The following SNCAIP variants were observed in gnomAD, a reference collection of about 807,000 sequenced individuals.
SNCAIP encodes synuclein alpha interacting protein, also known as synphilin-1.
Under a neutral mutation model 86.7 loss-of-function variants are expected in SNCAIP, and 43 were observed. The ratio of observed to expected loss-of-function variants is 0.50; its 90% CI spans 0.39 to 0.64. The LOEUF (loss-of-function observed/expected upper bound fraction) is 0.64. SNCAIP is among the 30% of genes least tolerant of loss of function. The pLI is 0.00. For missense variants in SNCAIP, 981 were observed against 1,103.1 expected (o/e 0.89, Z 1.57); for synonymous variants, 417 against 427.2 (o/e 0.98, Z 0.29).
chr5:122,409,082 T>G (rs1335983678), intron 3 of SNCAIP, among the ~76,000 whole-genome samples: 1 of 150,584 alleles, frequency 6.6e-6, no homozygotes, highest in African/African-American at 2.5e-5. Flanking sequence ...AAGGAAGTTA[T>G]GTGTAAAAAA....
rs545224879 is a variant in SNCAIP, at chr5:122,314,286, G to C, written c.-47+2002G>C. ...ATGATCTTTGATATTAGCAGAAAAA[G>C]CCTGGAGCTGTTTTTCTTGCCAGAT... On this transcript the variant is annotated intron_variant, in intron 1 of 10. Transcript: ENST00000261368. Among the ~76,000 whole-genome samples the C allele has an allele frequency of 1.6e-4, 25 of 152,198 alleles. 1 individual carries two copies. The highest frequency in any genetic ancestry group is 5.2e-4 in the Admixed American group (8 of 15,282).
In SNCAIP at chr5:122,358,962, T is replaced by C. The variant is rs145280259; in HGVS notation, c.-46-32127T>C. 3.9e-3 allele frequency among the ~76,000 whole-genome samples: 594 copies of C among 152,302 alleles called. 1 individual carries two copies. Among genetic ancestry groups the C allele is most frequent in the African/African-American group, 0.013 (527 of 41,550 alleles). On this transcript the variant is annotated intron_variant, in intron 1 of 10. Coordinates refer to ENST00000261368, the MANE Select transcript of SNCAIP (RefSeq NM_005460.4). Reference sequence around the variant, plus strand: ...GAATTTGTGTCTTCCCTGAAACAAATCACATAGATTAAAAAATAAGTTTGA... The same window carrying C: ...GAATTTGTGTCTTCCCTGAAACAAACCACATAGATTAAAAAATAAGTTTGA...
chr5:122,449,783 C>T, intron 8 of SNCAIP, 62 bp from the exon 9 acceptor site: 2 of 1,064,558 alleles, frequency 1.9e-6, no homozygotes. Flanking sequence ...AAATATTATA[C>T]ACCCTAATTT....
intron 1 of SNCAIP, among the ~76,000 whole-genome samples, chr5:122,318,042 C>T (rs1182060112): frequency 6.6e-6 from 1 of 151,992 alleles, no homozygotes; most frequent in Non-Finnish European, 1.5e-5. Context: ...CATTCCAAAC[C>T]TTGTCATAGT....
chr5:122,459,058 A>AT lies in SNCAIP; in HGVS notation c.2755-4432dup, dbSNP rs528369385. Reference sequence around the variant, plus strand: ...GGGAAAAATGGTGTGTTCTTTATCAATATTGGCCTTCTGGTCACAAGTCCA... The same window carrying AT: ...GGGAAAAATGGTGTGTTCTTTATCAATTATTGGCCTTCTGGTCACAAGTCCA... On this transcript the variant is annotated intron_variant, in intron 10 of 10. Coordinates refer to ENST00000261368, the MANE Select transcript of SNCAIP (RefSeq NM_005460.4). Among the ~76,000 whole-genome samples the AT allele has an allele frequency of 3.6e-4, 55 of 152,330 alleles. No individual in the cohort carries two copies. The East Asian group carries it at 9.7e-3, about 27-fold the overall frequency.
rs1322933325 is a variant in SNCAIP, at chr5:122,458,434, AT to A, written c.2755-5054del. Among the ~76,000 whole-genome samples the A allele has an allele frequency of 5.3e-5, 8 of 152,144 alleles. No homozygotes were observed. In the East Asian group the frequency reaches 1.5e-3, roughly 29 times the overall value. On this transcript the variant is annotated intron_variant, in intron 10 of 10. Transcript: ENST00000261368. ...CACATACATGTTCTATTAATGTCAT[AT>A]TTGCACCACACGTCTGCCACCACTA...
At chr5:122,405,737 A>AT (rs1166389384) in intron 3 of SNCAIP, among the ~76,000 whole-genome samples, 1 of 152,168 alleles carries the variant, frequency 6.6e-6, no homozygotes, top group Non-Finnish European at 1.5e-5. Flanking sequence ...AGTTTAAATT[A>AT]TTTTTTCCGT....
intron 1 of SNCAIP, among the ~76,000 whole-genome samples, chr5:122,348,208 T>C (rs1366533457): frequency 6.6e-6 from 1 of 152,166 alleles, no homozygotes; most frequent in Non-Finnish European, 1.5e-5. Context: ...ATTTTTTATA[T>C]ATTAGTTAAA....
chr5:122,339,960 A>C (rs1757230720), intron 1 of SNCAIP, among the ~76,000 whole-genome samples: 1 of 152,232 alleles, frequency 6.6e-6, no homozygotes, highest in Non-Finnish European at 1.5e-5. Context: ...TATTAATTTC[A>C]GGCTCAACTC....
At chr5:122,435,985 G>A (rs1367062701) in intron 6 of SNCAIP, among the ~76,000 whole-genome samples, 2 of 152,124 alleles carry the variant, frequency 1.3e-5, no homozygotes, top group Non-Finnish European at 2.9e-5. Context: ...CCCACAGACT[G>A]ACAGGCAGTT....
At chr5:122,357,080 C>G (rs768747114) in intron 1 of SNCAIP, among the ~76,000 whole-genome samples, 1 of 152,148 alleles carries the variant, frequency 6.6e-6, no homozygotes. Flanking sequence ...GTCTGCTGGC[C>G]TTCCTGTCTT....
chr5:122,348,331 A>G (rs1759044996), intron 1 of SNCAIP, among the ~76,000 whole-genome samples: 1 of 152,158 alleles, frequency 6.6e-6, no homozygotes, highest in African/African-American at 2.4e-5. Context: ...TGGTATAGGC[A>G]ATTTATATTG....
chr5:122,391,264 A>G, intron 2 of SNCAIP, 73 bp downstream of exon 2: 1 of 1,035,016 alleles, frequency 9.7e-7, no homozygotes, highest in Non-Finnish European at 1.5e-6. Flanking sequence ...TTTCTCCATT[A>G]TAGTCTATAT....
chr5:122,410,256 G>A (rs1043093609), intron 3 of SNCAIP, among the ~76,000 whole-genome samples: 6 of 152,068 alleles, frequency 3.9e-5, no homozygotes, highest in Admixed American at 1.3e-4. Flanking sequence ...ATATTTGTAC[G>A]TATGGTTGTA....
At chr5:122,321,859 C>T (rs1331974296) in intron 1 of SNCAIP, 2 of 152,166 alleles carry the variant, frequency 1.3e-5, no homozygotes, top group South Asian at 4.1e-4. Context: ...AGACTGTATA[C>T]ACCTTGTTTA....
chr5:122,402,628 CA>C (rs1166076718), intron 2 of SNCAIP, among the ~76,000 whole-genome samples: 1 of 152,178 alleles, frequency 6.6e-6, no homozygotes, highest in East Asian at 1.9e-4. Flanking sequence ...GGGGAAAGCA[CA>C]AGGAAGTCTC....
At chr5:122,410,174 ATTTTTAAAGAAC>A (rs1773829624) in intron 3 of SNCAIP, among the ~76,000 whole-genome samples, 1 of 152,244 alleles carries the variant, frequency 6.6e-6, no homozygotes, top group Non-Finnish European at 1.5e-5. Context: ...ATGATCCATT[ATTTTTAAAGAAC>A]TTAACCTTGC....
intron 3 of SNCAIP, among the ~76,000 whole-genome samples, chr5:122,421,337 T>C (rs1230294429): frequency 6.6e-6 from 1 of 152,224 alleles, no homozygotes; most frequent in East Asian, 1.9e-4. Context: ...GATAGTTATA[T>C]AGCATTCAGG....
intron 3 of SNCAIP, among the ~76,000 whole-genome samples, chr5:122,415,908 C>T (rs1035862673): frequency 1.2e-4 from 19 of 152,284 alleles, no homozygotes; most frequent in African/African-American, 2.4e-4. Context: ...AATCCACTCC[C>T]GAGGTTTTGC....
Sources: gnomAD v4.1 joint callset for allele counts (sites outside exome capture counted in the v4.1 genomes callset) on GRCh38, gnomAD v4.1.1 for gene constraint, MANE v1.5 for transcripts, NCBI Gene and HGNC (gene_info 2026-07-23, HGNC 2026-07-21) for gene names.